Variants in ESPN observed in about 807,000 individuals in gnomAD.
ESPN encodes the protein autosomal recessive deafness type 36 protein.
In ESPN, 68 loss-of-function variants were observed where a neutral mutation model predicts 77.7. The observed-to-expected ratio is 0.87, with a 90% confidence interval of 0.72 to 1.07. The LOEUF (loss-of-function observed/expected upper bound fraction) is 1.07. Ranked by LOEUF, ESPN falls within the 50% of genes least tolerant of loss-of-function variation. The pLI, the probability that ESPN is intolerant of heterozygous loss-of-function variation, is 0.00. For synonymous variants in ESPN, 449 were observed against 567.1 expected (o/e 0.79, Z 2.96); for missense variants, 1,060 against 1,239.0 (o/e 0.86, Z 2.17).
Position 6,460,078 on chromosome 1 carries a change from G to A in ESPN, c.2497G>A (p.Asp833Asn). Residue 833 changes from aspartate (D) to asparagine (N), a missense_variant, in exon 13 of 13, where the codon GAT (aspartate) becomes AAT (asparagine). Asp to Asn is a conservative substitution (Grantham distance 23). This residue lies in a region of ESPN where 374 missense variants were observed against 381.4 expected (regional missense o/e 0.98). Transcript: ENST00000645284. ...QSEKLRTLGY[D>N]ESKLAPWQRQ... ...AGAGAAGCTGCGGACGCTGGGCTACGATGAGAGCAAGCTGGCGCCCTGGCA... is the reference window on the plus strand; with the variant it reads ...AGAGAAGCTGCGGACGCTGGGCTACAATGAGAGCAAGCTGGCGCCCTGGCA... 1.9e-6 allele frequency: 3 copies of A among 1,613,500 alleles called. No homozygotes were observed. Among genetic ancestry groups the A allele is most frequent in the East Asian group, 2.2e-5 (1 of 44,884 alleles).
Position 6,424,900 on chromosome 1 carries a change from G to A in ESPN, c.-56G>A, listed in dbSNP as rs959996700. On this transcript the variant is annotated 5_prime_UTR_variant, in exon 1 of 13. Coordinates refer to ENST00000645284, the MANE Select transcript of ESPN (RefSeq NM_031475.3). ...GCTCCTCTGGCCCGCAAGAACACGT[G>A]CATGGCGTCCTGGGGAAGGCGCTGA... The A allele has an allele frequency of 1.4e-6, 2 of 1,395,160 alleles. No homozygotes were observed. Among genetic ancestry groups the A allele is most frequent in the South Asian group, 1.5e-5 (1 of 67,532 alleles). 86.4% of individuals were successfully genotyped at this position (1,395,160 alleles called of 1,614,324 possible). A position where few individuals can be genotyped will look rare whatever the true frequency, so the allele number is the denominator to read the frequency against.
intron 6 of ESPN, among the ~76,000 whole-genome samples, chr1:6,445,362 G>T (rs929861234): frequency 6.6e-6 from 1 of 152,224 alleles, no homozygotes; most frequent in Non-Finnish European, 1.5e-5. Context: ...GTGGCCATCC[G>T]TACTCCCAAG....
chr1:6,428,184 C>T lies in ESPN; in HGVS notation c.295-42C>T. 3 of 1,607,230 alleles carry T rather than the reference C, an allele frequency of 1.9e-6. No individual in the cohort carries two copies. Among genetic ancestry groups the T allele is most frequent in the Non-Finnish European group, 2.6e-6 (3 of 1,174,756 alleles). On this transcript the variant is annotated intron_variant, in intron 1 of 12. Transcript: ENST00000645284. The surrounding 1 kb of genome is among the most constrained non-coding windows in gnomAD (Gnocchi z 5.4). ...GGAGTGGCCCAAGCCAGGGGCGGGG[C>T]AGCAACAGGCTTTAGGACTTGAACC... is the stretch of plus-strand genomic sequence containing the variant.
At position 6,440,616 on chromosome 1, in the gene ESPN, T is replaced by TC. The variant is rs2148518801; in HGVS notation, c.676-7dup. On this transcript the variant is annotated splice_polypyrimidine_tract_variant and intron_variant, in intron 3 of 12. Transcript: ENST00000645284. ...GCCCCCGCCCCCCTCTCCCCGCCCGTCCCGCCCAGGTGAGCTGCACCGACG... is the reference window on the plus strand; with the variant it reads ...GCCCCCGCCCCCCTCTCCCCGCCCGTCCCCGCCCAGGTGAGCTGCACCGACG... The TC allele has an allele frequency of 1.3e-6, 1 of 764,874 alleles. No homozygotes were observed. The highest frequency in any genetic ancestry group is 1.9e-6 in the Non-Finnish European group (1 of 518,276). The allele number at this position is 764,874 out of a possible 1,614,324, so 47.4% of individuals were successfully genotyped here. A position where few individuals can be genotyped will look rare whatever the true frequency, so the allele number is the denominator to read the frequency against.
intron 2 of ESPN, among the ~76,000 whole-genome samples, chr1:6,435,688 C>T (rs983103230): frequency 2.6e-5 from 4 of 152,202 alleles, no homozygotes; most frequent in African/African-American, 9.6e-5. Flanking sequence ...ATCCTCTCCC[C>T]TCTAGGTAGT....
intron 7 of ESPN, 35 bp downstream of exon 7, chr1:6,445,970 A>T: frequency 6.2e-7 from 1 of 1,610,318 alleles, no homozygotes; most frequent in Middle Eastern, 1.7e-4. Context: ...GCCTCCCAGC[A>T]GGGGGACTGG....
rs927163921 is a variant in ESPN at position 6,460,068 on chromosome 1, G to A, written c.2487G>A (p.Thr829=). 3 of 1,613,546 alleles carry A rather than the reference G, an allele frequency of 1.9e-6. No homozygotes were observed. The highest frequency in any genetic ancestry group is 1.3e-5 in the African/African-American group (1 of 75,064). The part of the protein sequence containing the change: ...REKEQSEKLR[T]LGYDESKLAP... ...AGGAACAGTCAGAGAAGCTGCGGAC[G>A]CTGGGCTACGATGAGAGCAAGCTGG... The change falls in exon 13 of 13, where the codon ACG becomes ACA. Residue 829 remains threonine, a synonymous_variant. Coordinates refer to ENST00000645284, the MANE Select transcript of ESPN (RefSeq NM_031475.3).
intron 6 of ESPN, 102 bp from the exon 7 acceptor site, chr1:6,445,562 C>T: frequency 1.5e-6 from 2 of 1,369,346 alleles, no homozygotes. Context: ...CGGAGCCCAC[C>T]TTGCCCCTCG....
chr1:6,443,166 C>CT (rs952787590), intron 5 of ESPN: 5 of 139,004 alleles, frequency 3.6e-5, no homozygotes, highest in African/African-American at 1.5e-4. Flanking sequence ...GAATGAAACT[C>CT]TGTCTAAAAA....
At chr1:6,436,408 G>T (rs1401052428) in intron 2 of ESPN, among the ~76,000 whole-genome samples, 1 of 151,998 alleles carries the variant, frequency 6.6e-6, no homozygotes, top group Non-Finnish European at 1.5e-5. Flanking sequence ...TTCAGTAAAT[G>T]GTGGCTGCTA....
At chr1:6,439,179 A>G (rs1260047346) in intron 2 of ESPN, among the ~76,000 whole-genome samples, 1 of 152,242 alleles carries the variant, frequency 6.6e-6, no homozygotes, top group Non-Finnish European at 1.5e-5. Context: ...CAGCAGAAGC[A>G]TTCAGTACAT....
Position 6,452,024 on chromosome 1 carries a change from C to G in ESPN, c.2253C>G (p.Pro751=), listed in dbSNP as rs371034506. 8.9e-5 allele frequency: 142 copies of G among 1,591,638 alleles called. No homozygotes were observed. Among genetic ancestry groups the G allele is most frequent in the Non-Finnish European group, 1.1e-4 (126 of 1,168,430 alleles). Residue 751 remains proline, a synonymous_variant, in exon 10 of 13, where the codon CCC becomes CCG. Coordinates refer to ENST00000645284, the MANE Select transcript of ESPN (RefSeq NM_031475.3). ...PTHDEQGRPI[P]EWKRQVMVRK... ...ACGATGAGCAGGGCCGGCCCATCCCCGAGTGGAAGCGCCAGGTGATGGTGC... is the reference window on the plus strand; with the variant it reads ...ACGATGAGCAGGGCCGGCCCATCCCGGAGTGGAAGCGCCAGGTGATGGTGC...
At position 6,448,914 on chromosome 1, in the gene ESPN, C is replaced by T. The variant is rs1043034083; in HGVS notation, c.1738C>T (p.His580Tyr). Residue 580 changes from histidine (H) to tyrosine (Y), a missense_variant, in exon 8 of 13, where the codon CAT (histidine) becomes TAT (tyrosine). By Grantham distance (83) the His-to-Tyr change is moderately conservative. Transcript: ENST00000645284. ...PPQAALLPGN[H>Y]VPNGCAADPK... is the part of the protein sequence containing the mutation. ...GCAGGCGGCGCTGCTTCCTGGGAAC[C>T]ATGTTCCTAACGGCTGCGCCGCGGA... 7 of 1,381,160 alleles carry T rather than the reference C, an allele frequency of 5.1e-6. No homozygotes were observed. In the Admixed American group the frequency reaches 2.2e-4, roughly 44 times the overall value. The allele number at this position is 1,381,160 out of a possible 1,614,324, so 85.6% of individuals were successfully genotyped here. A position where few individuals can be genotyped will look rare whatever the true frequency, so the allele number is the denominator to read the frequency against.
In ESPN at chr1:6,451,519, GA is replaced by G. The variant is rs1167273085; in HGVS notation, c.1916-81del. 6.4e-7 allele frequency: 1 copy of G among 1,553,084 alleles called. No homozygotes were observed. The highest frequency in any genetic ancestry group is 1.4e-5 in the African/African-American group (1 of 73,286). On this transcript the variant is annotated intron_variant, in intron 8 of 12. Transcript: ENST00000645284. This position sits in a 1 kb window ranked among gnomAD's most constrained non-coding sequence, Gnocchi z 4.3. ...GGGCACCCATCCAATCTTGGCTTAG[GA>G]AAGGGGCTGCAGAGGGGCGGGTGAG...
chr1:6,444,391 A>G (rs1643749695), intron 5 of ESPN, 90 bp from the exon 6 acceptor site: 1 of 1,325,026 alleles, frequency 7.5e-7, no homozygotes, highest in Non-Finnish European at 1.1e-6. Context: ...AAGATCCCAC[A>G]GCGAAGGCAT....
intron 12 of ESPN, 43 bp downstream of exon 12, chr1:6,457,415 C>A: frequency 2.5e-6 from 4 of 1,614,092 alleles, no homozygotes; most frequent in Non-Finnish European, 3.4e-6. Context: ...TTATCCCCAC[C>A]CAAGTCGCAG....
chr1:6,434,519 C>T (rs1643363101), intron 2 of ESPN, among the ~76,000 whole-genome samples: 1 of 152,148 alleles, frequency 6.6e-6, no homozygotes, highest in Non-Finnish European at 1.5e-5. Context: ...GCATGTGACC[C>T]TAGACAAAAC....
intron 12 of ESPN, among the ~76,000 whole-genome samples, chr1:6,459,706 C>T (rs911552938): frequency 6.6e-6 from 1 of 152,166 alleles, no homozygotes; most frequent in South Asian, 2.1e-4. Context: ...CCCAGCAATA[C>T]CACCTCCTCA....
At chr1:6,461,235 C>T (rs748663208), downstream of ESPN, 8 of 746,648 alleles carry the variant, frequency 1.1e-5, no homozygotes, top group Admixed American at 2.0e-5. The surrounding 1 kb of genome is among the most constrained non-coding windows in gnomAD (Gnocchi z 6.3). Flanking sequence ...AATGTCTTCA[C>T]CCCCTCTCGA....
Sources: allele counts gnomAD v4.1 joint callset (sites outside exome capture counted in the v4.1 genomes callset), GRCh38; gene constraint gnomAD v4.1.1; regional missense constraint gnomAD v4.1.1; non-coding constraint Gnocchi (gnomAD v3.1); transcripts MANE v1.5; gene names NCBI Gene and HGNC (gene_info 2026-07-23, HGNC 2026-07-21).